ZNF202: variants seen among roughly 807,000 people sequenced by gnomAD.
The protein encoded by ZNF202 is zinc finger protein with KRAB and SCAN domains 10.
In ZNF202, 22 loss-of-function variants were observed where a neutral mutation model predicts 54.5. The ratio of observed to expected loss-of-function variants is 0.40; its 90% CI spans 0.29 to 0.58. The LOEUF is 0.58. ZNF202 is among the 20% of genes least tolerant of loss of function. The pLI is 0.39. For synonymous variants in ZNF202, 294 were observed against 301.4 expected, an observed-to-expected ratio of 0.98 and a Z score of 0.26; for missense variants, 644 against 805.5, an observed-to-expected ratio of 0.80 and a Z score of 2.43.
At chr11:123,739,717 TCAAA>T (rs776096976) in intron 3 of ZNF202, among the ~76,000 whole-genome samples, 8 of 152,214 alleles carry the variant, frequency 5.3e-5, no homozygotes, top group Non-Finnish European at 1.0e-4. Context: ...ACAGAAGTAC[TCAAA>T]CAAAGGTATT....
intron 4 of ZNF202, 27 bp from the exon 5 acceptor site, chr11:123,729,852 C>T: frequency 6.4e-7 from 1 of 1,569,490 alleles, no homozygotes; most frequent in Non-Finnish European, 8.6e-7. Context: ...CTTCCAGTCA[C>T]CATGGAGTCA....
intron 3 of ZNF202, chr11:123,739,572 G>C (rs1861773758): frequency 6.6e-6 from 1 of 152,162 alleles, no homozygotes; most frequent in Non-Finnish European, 1.5e-5. Flanking sequence ...AAATCAAGGG[G>C]AAGAACTTAT....
chr11:123,735,666 CA>C (rs1367234253), intron 3 of ZNF202, among the ~76,000 whole-genome samples: 1 of 152,082 alleles, frequency 6.6e-6, no homozygotes, highest in African/African-American at 2.4e-5. Context: ...GTAACGTACC[CA>C]AGAGCCCTTG....
Position 123,726,010 on chromosome 11 carries a change from T to C in ZNF202, c.1934A>G (p.Glu645Gly). ...HLIRHQRTHS[E>G]KTS ...ATGGGGACCTAGCTAGGAGGTCTTTTCTGAGTGGGTCCTCTGATGCCTAAT... is the reference window on the plus strand; with the variant it reads ...ATGGGGACCTAGCTAGGAGGTCTTTCCTGAGTGGGTCCTCTGATGCCTAAT... The change falls in exon 9 of 9, where the codon GAA becomes GGA. Residue 645 changes from glutamate to glycine, a missense_variant. By Grantham distance (98) the Glu-to-Gly change is moderately conservative (BLOSUM62 -2). Transcript: ENST00000530393. This position sits in a 1 kb window ranked among gnomAD's most constrained non-coding sequence, Gnocchi z 6.0. 1 of 1,612,380 alleles carries C rather than the reference T, an allele frequency of 6.2e-7. No individual in the cohort carries two copies. The highest frequency in any genetic ancestry group is 8.5e-7 in the Non-Finnish European group (1 of 1,178,700).
intron 5 of ZNF202, 143 bp downstream of exon 5, chr11:123,729,472 T>C: frequency 9.2e-7 from 1 of 1,088,608 alleles, no homozygotes; most frequent in Non-Finnish European, 1.3e-6. Flanking sequence ...CGGTACTGTC[T>C]CCTCTTGACA....
rs1215928580 is a variant in ZNF202 at position 123,726,154 on chromosome 11, T to A, written c.1790A>T (p.Glu597Val). Residue 597 changes from glutamate (E) to valine (V), a missense_variant, in exon 9 of 9, where the codon GAA (glutamate) becomes GTA (valine). Transcript: ENST00000530393. This position sits in a 1 kb window ranked among gnomAD's most constrained non-coding sequence, Gnocchi z 6.0. ...CCTGCGACTGAAGCTCTTCCCACAT[T>A]CGTTGCATCGGCAGGGCCTCACTGA... ...HASVRPCRCN[E>V]CGKSFSRRDH... The A allele has an allele frequency of 6.2e-7, 1 of 1,614,210 alleles. No individual in the cohort carries two copies. The highest frequency in any genetic ancestry group is 8.5e-7 in the Non-Finnish European group (1 of 1,180,032).
intron 3 of ZNF202, among the ~76,000 whole-genome samples, chr11:123,732,645 T>C (rs990861116): frequency 2.0e-5 from 3 of 152,192 alleles, no homozygotes; most frequent in African/African-American, 4.8e-5. Flanking sequence ...TATCCCAGTA[T>C]TGGTCATATT....
intron 8 of ZNF202, 59 bp from the exon 9 acceptor site, chr11:123,727,050 C>T (rs891061820): frequency 3.9e-6 from 6 of 1,534,494 alleles, no homozygotes; most frequent in Non-Finnish European, 5.2e-6. Context: ...GCCTTCTACA[C>T]AATGGGGAGA....
intron 1 of ZNF202, among the ~76,000 whole-genome samples, chr11:123,740,777 G>C (rs533556878): frequency 1.3e-5 from 2 of 152,328 alleles, no homozygotes; most frequent in African/African-American, 4.8e-5. Context: ...AAGGAACACA[G>C]CCTATCCATG....
chr11:123,725,935 T>C lies in ZNF202; in HGVS notation c.*62A>G. ...TCTTCCCAGGCTGACAAGAGGGCTT[T>C]TCCTCTTCCTCACCTCCCTTAGGTG... On this transcript the variant is annotated 3_prime_UTR_variant, in exon 9 of 9. Coordinates refer to ENST00000530393, the MANE Select transcript of ZNF202 (RefSeq NM_003455.4). The C allele has an allele frequency of 6.5e-7, 1 of 1,533,320 alleles. No individual in the cohort carries two copies. 95.0% of individuals were successfully genotyped at this position (1,533,320 alleles called of 1,614,324 possible).
At position 123,725,804 on chromosome 11, in the gene ZNF202, C is replaced by A; in HGVS notation, c.*193G>T. The A allele has an allele frequency of 1.6e-6, 1 of 633,566 alleles. No homozygotes were observed. Among genetic ancestry groups the A allele is most frequent in the South Asian group, 2.4e-5 (1 of 41,794 alleles). 39.2% of individuals were successfully genotyped at this position (633,566 alleles called of 1,614,324 possible). On this transcript the variant is annotated 3_prime_UTR_variant, in exon 9 of 9. Transcript: ENST00000530393. ...AGGTTGTACTTTGGATGAAACATCC[C>A]CTCAAGGCGTAGAGGAAGGCTGAGA... is the stretch of plus-strand genomic sequence containing the variant.
chr11:123,728,483 CTTCT>C (rs34745500), intron 6 of ZNF202, among the ~76,000 whole-genome samples: 2,090 of 152,184 alleles, frequency 0.014, 49 homozygotes, highest in African/African-American at 0.047. Context: ...TTATGTTCTT[CTTCT>C]TTAAGGTATT....
intron 3 of ZNF202, among the ~76,000 whole-genome samples, chr11:123,737,238 A>C (rs930292627): frequency 6.6e-6 from 1 of 152,146 alleles, no homozygotes; most frequent in African/African-American, 2.4e-5. Context: ...AGGCAAACTC[A>C]GTGTACCAAG....
chr11:123,729,298 G>C, intron 5 of ZNF202, 84 bp from the exon 6 acceptor site: 1 of 1,356,182 alleles, frequency 7.4e-7, no homozygotes, highest in Non-Finnish European at 1.0e-6. Context: ...CACCATCTTT[G>C]GTAGGAAGGT....
chr11:123,733,018 C>T (rs753436557), intron 3 of ZNF202, among the ~76,000 whole-genome samples: 7 of 152,154 alleles, frequency 4.6e-5, no homozygotes, highest in Non-Finnish European at 1.0e-4. Flanking sequence ...TGGCACGTAA[C>T]AGGCACGGAT....
Position 123,730,942 on chromosome 11 carries a change from C to T in ZNF202, c.-54G>A, listed in dbSNP as rs1861380365. On this transcript the variant is annotated 5_prime_UTR_variant, in exon 4 of 9. Transcript: ENST00000530393. The surrounding 1 kb of genome is among the most constrained non-coding windows in gnomAD (Gnocchi z 6.0). ...TCTAGAGCTCACACTGTCATTAGCC[C>T]CCCGCCTCAGCCTGGACACAGCGAG... 2.6e-6 allele frequency: 4 copies of T among 1,558,452 alleles called. No individual in the cohort carries two copies. The highest frequency in any genetic ancestry group is 3.5e-6 in the Non-Finnish European group (4 of 1,152,254).
rs1428114121 is a variant in ZNF202, at chr11:123,727,500, C to G, written c.928G>C (p.Glu310Gln). The G allele has an allele frequency of 6.8e-6, 11 of 1,614,134 alleles. No individual in the cohort carries two copies. Among genetic ancestry groups the G allele is most frequent in the Non-Finnish European group, 9.3e-6 (11 of 1,180,004 alleles). ...CCTGTGTAGGTAAAACTCAGGATTT[C>G]TGGCTCTTGAGTCTCCTGAGGCTCT... ...IQEPQETQEP[E>Q]ILSFTYTGDR... The change falls in exon 8 of 9, where the codon GAA (glutamate) becomes CAA (glutamine). Residue 310 changes from glutamate to glutamine, a missense_variant. Coordinates refer to ENST00000530393, the MANE Select transcript of ZNF202 (RefSeq NM_003455.4).
intron 3 of ZNF202, among the ~76,000 whole-genome samples, chr11:123,732,586 C>T (rs1008405002): frequency 1.3e-5 from 2 of 152,164 alleles, no homozygotes; most frequent in African/African-American, 4.8e-5. Flanking sequence ...TACTCTCAGA[C>T]ATAGTTAGAA....
At position 123,725,738 on chromosome 11, in the gene ZNF202, G is replaced by GTA. The variant is rs1415299851; in HGVS notation, c.*257_*258dup. On this transcript the variant is annotated 3_prime_UTR_variant, in exon 9 of 9. Transcript: ENST00000530393. ...AGTTCTCCTACTTTATACCCATGAG[G>GTA]TAGAGGCAGGTGCACTCCAGTGAAG... 1.1e-5 allele frequency: 5 copies of GTA among 465,298 alleles called. No individual in the cohort carries two copies. The highest frequency in any genetic ancestry group is 1.9e-5 in the Non-Finnish European group (5 of 262,248). The allele number at this position is 465,298 out of a possible 1,614,324, so 28.8% of individuals were successfully genotyped here. A position where few individuals can be genotyped will look rare whatever the true frequency, so the allele number is the denominator to read the frequency against.
Sources: gnomAD v4.1 joint callset for allele counts (sites outside exome capture counted in the v4.1 genomes callset) on GRCh38, gnomAD v4.1.1 for gene constraint, Gnocchi (gnomAD v3.1) non-coding constraint, MANE v1.5 for transcripts, NCBI Gene and HGNC (gene_info 2026-07-23, HGNC 2026-07-21) for gene names.